The following ATP8A1 variants were observed in gnomAD, a reference collection of about 807,000 sequenced individuals.
ATP8A1 encodes the protein phospholipid-transporting ATPase IA.
In ATP8A1, 90 loss-of-function variants were observed where a neutral mutation model predicts 177.7. The observed-to-expected ratio is 0.51, with a 90% confidence interval of 0.43 to 0.60. The LOEUF is 0.60. Among genes scored for constraint, ATP8A1 ranks in the 20% least tolerant of loss-of-function variants. The probability of loss-of-function intolerance (pLI) is 0.00; values close to 1 mark genes in which losing one functional copy is unlikely to be tolerated. For synonymous variants in ATP8A1, 493 were observed against 485.9 expected, an observed-to-expected ratio of 1.01 and a Z score of -0.19; for missense variants, 1,072 against 1,392.8, an observed-to-expected ratio of 0.77 and a Z score of 3.67.
intron 33 of ATP8A1, among the ~76,000 whole-genome samples, chr4:42,426,230 C>T (rs1035707788): frequency 6.6e-6 from 1 of 152,224 alleles, no homozygotes; most frequent in African/African-American, 2.4e-5. Context: ...CCACGCCAGA[C>T]AGAAACCCTT....
At chr4:42,476,517 G>A (rs572569992) in intron 25 of ATP8A1, among the ~76,000 whole-genome samples, 2 of 152,142 alleles carry the variant, frequency 1.3e-5, no homozygotes, top group East Asian at 3.9e-4. Context: ...TACTCGGGAG[G>A]CTGAGGCAGA....
At position 42,532,349 on chromosome 4, in the gene ATP8A1, G is replaced by A. The variant is rs115147811; in HGVS notation, c.1723-7502C>T. Among the ~76,000 whole-genome samples the A allele has an allele frequency of 1.3e-3, 202 of 152,186 alleles. 1 individual carries two copies. Among genetic ancestry groups the A allele is most frequent in the African/African-American group, 4.6e-3 (193 of 41,520 alleles). ...AAAATACAAAAAATTAACTGGGCAT[G>A]ATGGCGGGTGACTGTAATCCCAGCT... On this transcript the variant is annotated intron_variant, in intron 20 of 36. Transcript: ENST00000381668.
chr4:42,441,827 C>T (rs1193853503), intron 33 of ATP8A1, among the ~76,000 whole-genome samples: 1 of 152,178 alleles, frequency 6.6e-6, no homozygotes, highest in Non-Finnish European at 1.5e-5. Context: ...TTCAGTGGAG[C>T]ACCAGCTATT....
At chr4:42,571,247 C>G (rs964964928) in intron 14 of ATP8A1, among the ~76,000 whole-genome samples, 1 of 151,966 alleles carries the variant, frequency 6.6e-6, no homozygotes, top group Non-Finnish European at 1.5e-5. Context: ...TATAGCTAAA[C>G]CAAATACTGT....
chr4:42,543,074 T>C (rs1029634250), intron 20 of ATP8A1, among the ~76,000 whole-genome samples: 1 of 152,184 alleles, frequency 6.6e-6, no homozygotes, highest in Admixed American at 6.5e-5. Flanking sequence ...ACTAAATTCA[T>C]GAGACATCAT....
intron 1 of ATP8A1, among the ~76,000 whole-genome samples, chr4:42,655,150 G>A (rs1195264396): frequency 6.6e-6 from 1 of 152,202 alleles, no homozygotes; most frequent in African/African-American, 2.4e-5. Context: ...TTTTCCCAGA[G>A]CTCTTAATCC....
At chr4:42,415,726 C>A (rs1441680267) in intron 35 of ATP8A1, among the ~76,000 whole-genome samples, 1 of 152,128 alleles carries the variant, frequency 6.6e-6, no homozygotes, top group Non-Finnish European at 1.5e-5. Flanking sequence ...GTTTTTCCCA[C>A]TATAAAAGCT....
chr4:42,557,150 C>T (rs1349103438), intron 15 of ATP8A1, among the ~76,000 whole-genome samples: 4 of 152,164 alleles, frequency 2.6e-5, no homozygotes, highest in Admixed American at 1.3e-4. Context: ...TAGTAACTTG[C>T]TCTATTAAGT....
At chr4:42,643,205 G>T (rs1001963232) in intron 1 of ATP8A1, among the ~76,000 whole-genome samples, 2 of 152,138 alleles carry the variant, frequency 1.3e-5, no homozygotes, top group African/African-American at 4.8e-5. Flanking sequence ...TGGGGAACAC[G>T]TATTACACTA....
chr4:42,562,230 C>T (rs999445366), intron 15 of ATP8A1: 1 of 152,264 alleles, frequency 6.6e-6, no homozygotes, highest in Admixed American at 6.5e-5. Flanking sequence ...TGATGGAACA[C>T]CACCTGTTCG....
chr4:42,615,558 G>A (rs1171829726), intron 5 of ATP8A1, among the ~76,000 whole-genome samples: 2 of 152,124 alleles, frequency 1.3e-5, no homozygotes, highest in African/African-American at 4.8e-5. Flanking sequence ...GTGCCAAAAT[G>A]CCATGCACTG....
At chr4:42,572,602 T>C (rs551099262) in intron 14 of ATP8A1, among the ~76,000 whole-genome samples, 1 of 152,280 alleles carries the variant, frequency 6.6e-6, no homozygotes, top group South Asian at 2.1e-4. Context: ...ACAAACATGA[T>C]CACTGGAAGC....
At chr4:42,422,543 C>A (rs1460844336) in intron 35 of ATP8A1, among the ~76,000 whole-genome samples, 1 of 152,178 alleles carries the variant, frequency 6.6e-6, no homozygotes, top group Non-Finnish European at 1.5e-5. Flanking sequence ...CTTCATTCAA[C>A]TCTTACAACT....
At chr4:42,628,993 C>T (rs185716681) in intron 1 of ATP8A1, among the ~76,000 whole-genome samples, 1 of 152,340 alleles carries the variant, frequency 6.6e-6, no homozygotes, top group Admixed American at 6.5e-5. Context: ...CATCCAGACA[C>T]ACCTACTTAC....
chr4:42,414,067 CGTA>C (rs57638555), intron 36 of ATP8A1, among the ~76,000 whole-genome samples: 18,608 of 152,072 alleles, frequency 0.12, 1,208 homozygotes, highest in Middle Eastern at 0.18. Flanking sequence ...CATGAGTATA[CGTA>C]AGTGAAAATA....
rs181166168 is a variant in ATP8A1 at position 42,443,298 on chromosome 4, C to T, written c.3123+267G>A. Among the ~76,000 whole-genome samples, 132 of 152,214 alleles carry T rather than the reference C, an allele frequency of 8.7e-4. 2 individuals carry two copies. The highest frequency in any genetic ancestry group is 4.2e-3 in the East Asian group (22 of 5,188). ...GCATCTTCTATATGGATATTCTTAA[C>T]GAGATTCAAGCTCCCGACAACCATA... is the stretch of plus-strand genomic sequence containing the variant. On this transcript the variant is annotated intron_variant, in intron 33 of 36. Transcript: ENST00000381668.
At chr4:42,424,662 C>G (rs548382946) in intron 33 of ATP8A1, among the ~76,000 whole-genome samples, 104 of 152,272 alleles carry the variant, frequency 6.8e-4, no homozygotes, top group Non-Finnish European at 1.3e-3. Flanking sequence ...CAGTCCTTAT[C>G]AAACATAAAC....
chr4:42,614,922 A>G (rs576586465), intron 5 of ATP8A1, among the ~76,000 whole-genome samples: 43 of 152,328 alleles, frequency 2.8e-4, no homozygotes, highest in Non-Finnish European at 5.3e-4. Context: ...GATACACCAC[A>G]GTTTTCTCTC....
intron 34 of ATP8A1, 116 bp downstream of exon 34, chr4:42,423,501 A>G: frequency 1.8e-6 from 1 of 551,822 alleles, no homozygotes. Context: ...AAATTAAGTA[A>G]TATTACCAGT....
Sources: allele counts gnomAD v4.1 joint callset (sites outside exome capture counted in the v4.1 genomes callset), GRCh38; gene constraint gnomAD v4.1.1; transcripts MANE v1.5; gene names NCBI Gene and HGNC (gene_info 2026-07-23, HGNC 2026-07-21).